FAT3: variants seen among roughly 807,000 people sequenced by gnomAD.
FAT3 encodes the protein FAT atypical cadherin 3, also known as protocadherin Fat 3.
Under a neutral mutation model 310.2 loss-of-function variants are expected in FAT3, and 95 were observed. That is an observed-to-expected ratio of 0.31 (90% CI 0.26 to 0.36). The LOEUF (loss-of-function observed/expected upper bound fraction) is 0.36. Ranked by LOEUF, FAT3 falls within the 10% of genes least tolerant of loss-of-function variation. The pLI is 1.00. For synonymous variants in FAT3, 2,314 were observed against 2,192.9 expected, an observed-to-expected ratio of 1.06 and a Z score of -1.54; for missense variants, 5,408 against 5,715.6, an observed-to-expected ratio of 0.95 and a Z score of 1.74.
At chr11:92,740,222 C>G (rs1192958142) in intron 4 of FAT3, among the ~76,000 whole-genome samples, 3 of 152,160 alleles carry the variant, frequency 2.0e-5, no homozygotes, top group Admixed American at 2.0e-4. Context: ...GGAAGTCTTT[C>G]TTTTGAAATG....
At chr11:92,301,024 A>G (rs1487833165) in intron 1 of FAT3, among the ~76,000 whole-genome samples, 1 of 152,140 alleles carries the variant, frequency 6.6e-6, no homozygotes, top group Non-Finnish European at 1.5e-5. Context: ...TTTTCTCAGC[A>G]GATGCTGCAC....
At chr11:92,472,448 A>C (rs1951933707) in intron 2 of FAT3, among the ~76,000 whole-genome samples, 1 of 152,200 alleles carries the variant, frequency 6.6e-6, no homozygotes, top group Non-Finnish European at 1.5e-5. Context: ...TGTGACAACC[A>C]GCAAGCATTT....
intron 1 of FAT3, among the ~76,000 whole-genome samples, chr11:92,320,178 A>C (rs1591102723): frequency 6.6e-6 from 1 of 152,228 alleles, no homozygotes; most frequent in Admixed American, 6.5e-5. Flanking sequence ...TGCAATGAGT[A>C]ATGGCAAAAG....
intron 3 of FAT3, among the ~76,000 whole-genome samples, chr11:92,568,370 C>T (rs886690217): frequency 2.1e-5 from 3 of 141,522 alleles, no homozygotes; most frequent in African/African-American, 5.0e-5. Context: ...TGTAGTATCC[C>T]GATGGCATGA....
At chr11:92,596,467 G>A (rs1939711408) in intron 3 of FAT3, among the ~76,000 whole-genome samples, 1 of 152,096 alleles carries the variant, frequency 6.6e-6, no homozygotes, top group South Asian at 2.1e-4. Flanking sequence ...AGATCAAGTG[G>A]CCTGCAGATA....
At chr11:92,403,864 G>C (rs137927158) in intron 2 of FAT3, among the ~76,000 whole-genome samples, 2,587 of 152,148 alleles carry the variant, frequency 0.017, 27 homozygotes, top group Non-Finnish European at 0.025. Context: ...GTGAAACCCC[G>C]TCTCTATGAA....
intron 4 of FAT3, among the ~76,000 whole-genome samples, chr11:92,750,147 T>A (rs984834336): frequency 2.0e-5 from 3 of 152,152 alleles, no homozygotes; most frequent in Non-Finnish European, 4.4e-5. Flanking sequence ...GACTTCATCT[T>A]TAGATTTCTT....
intron 3 of FAT3, among the ~76,000 whole-genome samples, chr11:92,599,333 G>T (rs967437910): frequency 6.6e-6 from 1 of 152,096 alleles, no homozygotes; most frequent in Non-Finnish European, 1.5e-5. Flanking sequence ...GAAGTGGGGG[G>T]TGGGGGAACC....
intron 1 of FAT3, among the ~76,000 whole-genome samples, chr11:92,305,424 A>G (rs2134437067): frequency 6.6e-6 from 1 of 152,302 alleles, no homozygotes; most frequent in Admixed American, 6.5e-5. Flanking sequence ...AGCAAGAATC[A>G]TCAATGGATG....
rs556078733 is a variant in FAT3 at position 92,394,646 on chromosome 11, G to GA, written c.3292+39252dup. ...CTCAGTTTCCTGAGATACAAAAAAA[G>GA]AAAAAAAAAACTTTATCAAAAAACT... On this transcript the variant is annotated intron_variant, in intron 2 of 27. Transcript: ENST00000525166. Among the ~76,000 whole-genome samples the GA allele has an allele frequency of 2.6e-3, 353 of 137,154 alleles. 2 individuals are homozygous for GA. Among genetic ancestry groups the GA allele is most frequent in the African/African-American group, 7.3e-3 (273 of 37,174 alleles). The allele number at this position is 137,154 out of a possible 152,430, so 90.0% of individuals were successfully genotyped here. A position where few individuals can be genotyped will look rare whatever the true frequency, so the allele number is the denominator to read the frequency against.
intron 15 of FAT3, among the ~76,000 whole-genome samples, chr11:92,836,331 T>G (rs1454062612): frequency 6.6e-6 from 1 of 152,124 alleles, no homozygotes; most frequent in African/African-American, 2.4e-5. Context: ...GGCATCAGGC[T>G]GTGGGCAGGT....
intron 4 of FAT3, among the ~76,000 whole-genome samples, chr11:92,742,056 G>A (rs1945522954): frequency 6.6e-6 from 1 of 152,186 alleles, no homozygotes; most frequent in South Asian, 2.1e-4. Context: ...TCCGTTATGT[G>A]TCAGGACATG....
At chr11:92,482,228 C>T (rs973705240) in intron 2 of FAT3, among the ~76,000 whole-genome samples, 2 of 152,024 alleles carry the variant, frequency 1.3e-5, no homozygotes, top group Admixed American at 6.6e-5. Flanking sequence ...TCATCATTTC[C>T]AACATTATTA....
intron 2 of FAT3, among the ~76,000 whole-genome samples, chr11:92,402,696 C>T (rs182544546): frequency 8.6e-4 from 129 of 150,704 alleles, no homozygotes; most frequent in African/African-American, 2.8e-3. Flanking sequence ...CACACCACAG[C>T]GCTCCAGCAT....
intron 3 of FAT3, among the ~76,000 whole-genome samples, chr11:92,572,600 A>G (rs1315358689): frequency 6.6e-6 from 1 of 152,214 alleles, no homozygotes; most frequent in Non-Finnish European, 1.5e-5. Context: ...AATCACTAAC[A>G]CATCAGGTGA....
In FAT3 at chr11:92,887,054, G is replaced by A; in HGVS notation, c.12992G>A (p.Gly4331Asp). ...EVTCFAGSNKGSNSEVQSLSS... is the reference protein window; with the variant it reads ...EVTCFAGSNKDSNSEVQSLSS... The stretch of plus-strand genomic sequence containing the variant: ...ACCTGCTTTGCAGGTAGTAATAAAG[G>A]CAGCAACTCTGAAGTTCAGTCCCTC... Residue 4331 changes from glycine to aspartate, a missense_variant, in exon 25 of 28, where the codon GGC (glycine) becomes GAC (aspartate). Gly to Asp is a moderately conservative substitution (Grantham distance 94). Transcript: ENST00000525166. 1 of 1,611,746 alleles carries A rather than the reference G, an allele frequency of 6.2e-7. No homozygotes were observed.
chr11:92,352,871 T>C lies in FAT3; in HGVS notation c.759T>C (p.Tyr253=), dbSNP rs1490595894. The C allele has an allele frequency of 1.2e-6, 2 of 1,613,810 alleles. No individual in the cohort carries two copies. The highest frequency in any genetic ancestry group is 2.7e-5 in the African/African-American group (2 of 74,898). The change falls in exon 2 of 28, where the codon TAT becomes TAC. Residue 253 remains tyrosine, a synonymous_variant. Transcript: ENST00000525166. ...GAGTGAGCAGTACTGCAAAGCTTTA[T>C]GTTCACATTGAGCGCATAAATGAAC... The part of the protein sequence containing the change: ...NNGVSSTAKL[Y]VHIERINEHA...
At chr11:92,339,806 T>C (rs1948196166) in intron 1 of FAT3, among the ~76,000 whole-genome samples, 1 of 151,958 alleles carries the variant, frequency 6.6e-6, no homozygotes, top group African/African-American at 2.4e-5. Context: ...GAGAGTGGTT[T>C]GAGATAAGCC....
At position 92,534,212 on chromosome 11, in the gene FAT3, A is replaced by G. The variant is rs148700004; in HGVS notation, c.3607+9264A>G. Among the ~76,000 whole-genome samples, 169 of 151,960 alleles carry G rather than the reference A, an allele frequency of 1.1e-3. 1 individual carries two copies. Among genetic ancestry groups the G allele is most frequent in the Non-Finnish European group, 2.1e-3 (145 of 67,976 alleles). On this transcript the variant is annotated intron_variant, in intron 3 of 27. Transcript: ENST00000525166. ...GAGCCTTAACCCAGAGCACAGGTCT[A>G]CTCACTGTCTCGAGCCATGCCAACA...
Sources: allele counts gnomAD v4.1 joint callset (sites outside exome capture counted in the v4.1 genomes callset), GRCh38; gene constraint gnomAD v4.1.1; transcripts MANE v1.5; gene names NCBI Gene and HGNC (gene_info 2026-07-23, HGNC 2026-07-21).